The following MAPK4 variants were observed in gnomAD, a reference collection of about 807,000 sequenced individuals.
MAPK4 encodes mitogen-activated protein kinase 4.
A neutral mutation model predicts 47.7 loss-of-function variants in MAPK4; 22 were observed. That is an observed-to-expected ratio of 0.46 (90% confidence interval 0.33 to 0.66). MAPK4 has a LOEUF of 0.66. Among genes scored for constraint, MAPK4 ranks in the 30% least tolerant of loss-of-function variants. MAPK4 has a pLI of 0.02. For missense variants in MAPK4, 736 were observed against 831.7 expected (o/e 0.88, Z 1.42); for synonymous variants, 390 against 365.7 (o/e 1.07, Z -0.76).
chr18:50,668,480 T>G (rs1225100558), intron 2 of MAPK4, among the ~76,000 whole-genome samples: 1 of 152,210 alleles, frequency 6.6e-6, no homozygotes, highest in African/African-American at 2.4e-5. Flanking sequence ...AGGTTTCAAG[T>G]TGCAGTCAGG....
intron 2 of MAPK4, among the ~76,000 whole-genome samples, chr18:50,712,763 A>G (rs539089576): frequency 2.0e-5 from 3 of 152,174 alleles, no homozygotes; most frequent in Admixed American, 6.5e-5. Flanking sequence ...TTCATAAAAG[A>G]CTGTGCATTT....
chr18:50,720,608 G>A (rs1910884631), intron 3 of MAPK4, among the ~76,000 whole-genome samples: 1 of 152,074 alleles, frequency 6.6e-6, no homozygotes, highest in African/African-American at 2.4e-5. Context: ...CAAGCAGAAG[G>A]TTGTGTATTA....
chr18:50,721,205 G>C (rs182277868), intron 3 of MAPK4, among the ~76,000 whole-genome samples: 1 of 152,352 alleles, frequency 6.6e-6, no homozygotes, highest in Admixed American at 6.5e-5. Context: ...TGGGAGGTGA[G>C]TTGAGTTTCT....
chr18:50,726,266 C>T, intron 5 of MAPK4, 91 bp downstream of exon 5: 1 of 1,262,348 alleles, frequency 7.9e-7, no homozygotes, highest in Non-Finnish European at 1.1e-6. Context: ...CCCTCTGTCT[C>T]CCAAGTTGCA....
At chr18:50,679,413 A>G (rs1325303097) in intron 2 of MAPK4, among the ~76,000 whole-genome samples, 1 of 152,172 alleles carries the variant, frequency 6.6e-6, no homozygotes, top group Admixed American at 6.5e-5. Context: ...ATACCCTCAT[A>G]TCTACCCAGA....
intron 1 of MAPK4, among the ~76,000 whole-genome samples, chr18:50,565,729 A>G (rs565175824): frequency 2.0e-5 from 3 of 152,318 alleles, no homozygotes; most frequent in East Asian, 3.9e-4. Context: ...GACCACTGTG[A>G]TACAGTTGCC....
chr18:50,633,793 C>T (rs1023114923), intron 1 of MAPK4, among the ~76,000 whole-genome samples: 4 of 152,098 alleles, frequency 2.6e-5, no homozygotes, highest in Non-Finnish European at 4.4e-5. Flanking sequence ...GATGAGCTGC[C>T]GTGTGTCGGT....
At chr18:50,718,713 A>T (rs1333203549) in intron 3 of MAPK4, among the ~76,000 whole-genome samples, 1 of 152,202 alleles carries the variant, frequency 6.6e-6, no homozygotes, top group African/African-American at 2.4e-5. Context: ...TTTAAAATAC[A>T]TGCTATATAT....
At chr18:50,717,241 T>G (rs1910687409) in intron 3 of MAPK4, among the ~76,000 whole-genome samples, 1 of 152,094 alleles carries the variant, frequency 6.6e-6, no homozygotes, top group African/African-American at 2.4e-5. Flanking sequence ...GGAGGAGAGA[T>G]CTGAAGCGAG....
Position 50,729,668 on chromosome 18 carries a change from G to C in MAPK4, c.1578G>C (p.Pro526=), listed in dbSNP as rs374164796. Residue 526 remains proline, a synonymous_variant, in exon 6 of 6, where the codon CCG becomes CCC. Transcript: ENST00000400384. ...TGTCTGCCTCGCCCCCCGGCCGCCC[G>C]GCCCCGGTGGACGGCGGCGCCAGCC... ...RRLSASPPGR[P]APVDGGASPQ... The C allele has an allele frequency of 6.6e-7, 1 of 1,515,452 alleles. No individual in the cohort carries two copies. Among genetic ancestry groups the C allele is most frequent in the East Asian group, 2.5e-5 (1 of 39,320 alleles). 93.9% of individuals were successfully genotyped at this position (1,515,452 alleles called of 1,614,324 possible).
intron 1 of MAPK4, among the ~76,000 whole-genome samples, chr18:50,636,906 T>C (rs2144170109): frequency 6.6e-6 from 1 of 152,352 alleles, no homozygotes; most frequent in African/African-American, 2.4e-5. Context: ...TGAGATCATC[T>C]CTGTTCACGA....
At chr18:50,701,275 G>T (rs940477065) in intron 2 of MAPK4, among the ~76,000 whole-genome samples, 1 of 150,704 alleles carries the variant, frequency 6.6e-6, no homozygotes, top group Non-Finnish European at 1.5e-5. Flanking sequence ...TAACCCCAAG[G>T]CCTCTCCTTT....
chr18:50,678,518 C>T lies in MAPK4; in HGVS notation c.546+14014C>T, dbSNP rs1384474258. 1.3e-5 allele frequency among the ~76,000 whole-genome samples: 2 copies of T among 152,192 alleles called. No homozygotes were observed. Among genetic ancestry groups the T allele is most frequent in the Non-Finnish European group, 2.9e-5 (2 of 68,042 alleles). On this transcript the variant is annotated intron_variant, in intron 2 of 5. Coordinates refer to ENST00000400384, the MANE Select transcript of MAPK4 (RefSeq NM_002747.4). The surrounding 1 kb of genome is among the most constrained non-coding windows in gnomAD (Gnocchi z 4.2). Reference sequence around the variant, plus strand: ...CCCTGTACAGACTGGAGAGCGGGCCCTGTCTTCCCAGAGGTGTTCACTCAA... The same window carrying T: ...CCCTGTACAGACTGGAGAGCGGGCCTTGTCTTCCCAGAGGTGTTCACTCAA...
intron 1 of MAPK4, among the ~76,000 whole-genome samples, chr18:50,585,027 C>A (rs1416813556): frequency 6.6e-6 from 1 of 152,188 alleles, no homozygotes; most frequent in Non-Finnish European, 1.5e-5. Flanking sequence ...TTGGAAAGGT[C>A]ATTTTCCTAT....
At chr18:50,718,097 T>C (rs112514331) in intron 3 of MAPK4, among the ~76,000 whole-genome samples, 2 of 152,314 alleles carry the variant, frequency 1.3e-5, no homozygotes, top group East Asian at 1.9e-4. Flanking sequence ...ACAGGTGATT[T>C]GGTTTCAAAT....
Position 50,706,674 on chromosome 18 carries a change from G to A in MAPK4, c.547-8405G>A, listed in dbSNP as rs371023196. On this transcript the variant is annotated intron_variant, in intron 2 of 5. Coordinates refer to ENST00000400384, the MANE Select transcript of MAPK4 (RefSeq NM_002747.4). ...GGCCTAGCAGGGCTTCTCACTTAAA[G>A]ATTGCTGTCCATTGTCATGCAGCAC... Among the ~76,000 whole-genome samples the A allele has an allele frequency of 7.9e-5, 12 of 152,310 alleles. No individual in the cohort carries two copies. In the South Asian group the frequency reaches 1.2e-3, roughly 16 times the overall value.
At chr18:50,639,075 G>A (rs1013687909) in intron 1 of MAPK4, among the ~76,000 whole-genome samples, 15 of 152,188 alleles carry the variant, frequency 9.9e-5, no homozygotes, top group Admixed American at 6.5e-5. Context: ...TGCCTCCTAA[G>A]TCAAGAGGGG....
chr18:50,617,107 A>G (rs1200299675), intron 1 of MAPK4, among the ~76,000 whole-genome samples: 1 of 152,188 alleles, frequency 6.6e-6, no homozygotes, highest in African/African-American at 2.4e-5. Flanking sequence ...ACTATTGTGC[A>G]AGATGGAGGA....
chr18:50,691,233 A>G (rs1909199788), intron 2 of MAPK4, among the ~76,000 whole-genome samples: 1 of 152,068 alleles, frequency 6.6e-6, no homozygotes, highest in African/African-American at 2.4e-5. Flanking sequence ...ATTGCAAGCA[A>G]TCCGCCCGCC....
Sources: gnomAD v4.1 joint callset for allele counts (sites outside exome capture counted in the v4.1 genomes callset) on GRCh38, gnomAD v4.1.1 for gene constraint, Gnocchi (gnomAD v3.1) non-coding constraint, MANE v1.5 for transcripts, NCBI Gene and HGNC (gene_info 2026-07-23, HGNC 2026-07-21) for gene names.